The following YWHAB variants were observed in gnomAD, a reference collection of about 807,000 sequenced individuals.
YWHAB encodes the protein tyrosine 3-monooxygenase/tryptophan 5-monooxygenase activation protein beta, also known as 14-3-3 protein beta/alpha.
A neutral mutation model predicts 28.5 loss-of-function variants in YWHAB; 2 were observed. That is an observed-to-expected ratio of 0.07 (90% CI 0.03 to 0.22). The LOEUF (loss-of-function observed/expected upper bound fraction) is 0.22, where lower values mean the gene tolerates loss of function less well. Ranked by LOEUF, YWHAB falls within the 10% of genes least tolerant of loss-of-function variation. The pLI is 1.00. For synonymous variants in YWHAB, 103 were observed against 104.7 expected (o/e 0.98, Z 0.10); for missense variants, 148 against 297.1 (o/e 0.50, Z 3.69).
At chr20:44,889,117 C>G (rs1000663105) in intron 1 of YWHAB, among the ~76,000 whole-genome samples, 13 of 152,130 alleles carry the variant, frequency 8.5e-5, no homozygotes, top group Non-Finnish European at 1.9e-4. Context: ...TGACAATTCA[C>G]TAGTTAAGGG....
At chr20:44,893,177 A>G (rs2066573794) in intron 1 of YWHAB, among the ~76,000 whole-genome samples, 1 of 152,064 alleles carries the variant, frequency 6.6e-6, no homozygotes, top group Non-Finnish European at 1.5e-5. Flanking sequence ...ACTTCTCAGT[A>G]TTTTGACCCT....
intron 1 of YWHAB, 184 bp downstream of exon 1, chr20:44,886,070 G>A (rs537938523): frequency 6.6e-6 from 1 of 152,264 alleles, no homozygotes; most frequent in African/African-American, 2.4e-5. Flanking sequence ...CTGTTTCCGG[G>A]GCCGGGCCCT....
intron 3 of YWHAB, 33 bp from the exon 4 acceptor site, chr20:44,904,935 C>T (rs371129329): frequency 1.4e-5 from 21 of 1,554,586 alleles, no homozygotes; most frequent in African/African-American, 6.9e-5. Flanking sequence ...ATGAAAGAAC[C>T]GAGCCTTTAA....
At chr20:44,886,231 G>C (rs1194941160) in intron 1 of YWHAB, 1 of 152,434 alleles carries the variant, frequency 6.6e-6, no homozygotes, top group Non-Finnish European at 1.5e-5. Context: ...CCTGCGTCTT[G>C]GTCGGCAAGA....
At chr20:44,894,570 C>T (rs6130710) in intron 1 of YWHAB, among the ~76,000 whole-genome samples, 8 of 152,232 alleles carry the variant, frequency 5.3e-5, no homozygotes, top group Admixed American at 5.2e-4. Context: ...TTTGCTTTTC[C>T]TTCTCACAAA....
Position 44,906,491 on chromosome 20 carries a change from A to C in YWHAB, c.*53A>C. The stretch of plus-strand genomic sequence containing the variant: ...GTGTCACTCTGTACCCTCAACATAT[A>C]TCCCTTGTGCGATAAAAAAAAAAAA... On this transcript the variant is annotated 3_prime_UTR_variant, in exon 6 of 6. Coordinates refer to ENST00000353703, the MANE Select transcript of YWHAB (RefSeq NM_139323.4). 2.8e-6 allele frequency: 3 copies of C among 1,071,516 alleles called. No individual in the cohort carries two copies. Among genetic ancestry groups the C allele is most frequent in the Non-Finnish European group, 2.7e-6 (2 of 740,862 alleles). The allele number at this position is 1,071,516 out of a possible 1,614,324, so 66.4% of individuals were successfully genotyped here.
At chr20:44,891,429 G>A (rs2066561347) in intron 1 of YWHAB, among the ~76,000 whole-genome samples, 1 of 152,180 alleles carries the variant, frequency 6.6e-6, no homozygotes, top group East Asian at 1.9e-4. Flanking sequence ...TTATGGATGA[G>A]AAAACAAATT....
At chr20:44,900,179 C>T (rs2066618488) in intron 1 of YWHAB, among the ~76,000 whole-genome samples, 1 of 152,100 alleles carries the variant, frequency 6.6e-6, no homozygotes. Context: ...TCCTGAGTAG[C>T]TGGGACTACA....
At chr20:44,889,124 A>C (rs1223586136) in intron 1 of YWHAB, among the ~76,000 whole-genome samples, 1 of 152,200 alleles carries the variant, frequency 6.6e-6, no homozygotes, top group Non-Finnish European at 1.5e-5. Context: ...TCACTAGTTA[A>C]GGGGCAAGAA....
chr20:44,898,127 T>A (rs1020286717), intron 1 of YWHAB, among the ~76,000 whole-genome samples: 1 of 152,186 alleles, frequency 6.6e-6, no homozygotes, highest in African/African-American at 2.4e-5. Flanking sequence ...CTGTGGGGGT[T>A]CTGGGAAATA....
intron 2 of YWHAB, 96 bp downstream of exon 2, chr20:44,901,929 G>C: frequency 3.7e-6 from 5 of 1,362,958 alleles, no homozygotes; most frequent in Admixed American, 2.6e-5. Flanking sequence ...TGAGAGAGAG[G>C]TGTCTGAATA....
At position 44,906,526 on chromosome 20, in the gene YWHAB, AAGAG is replaced by A. The variant is rs879169305; in HGVS notation, c.*90_*93del. On this transcript the variant is annotated 3_prime_UTR_variant, in exon 6 of 6. Transcript: ENST00000353703. Reference sequence around the variant, plus strand: ...CGATAAAAAAAAAAAAAAAAAAAAAAAGAGAATCGTACGTCGACTTTCGATTTTT... The same window carrying A: ...CGATAAAAAAAAAAAAAAAAAAAAAAAATCGTACGTCGACTTTCGATTTTT... 1.5e-5 allele frequency: 9 copies of A among 613,714 alleles called. No homozygotes were observed. The highest frequency in any genetic ancestry group is 3.9e-5 in the Admixed American group (1 of 25,566). The allele number at this position is 613,714 out of a possible 1,614,324, so 38.0% of individuals were successfully genotyped here.
At position 44,907,040 on chromosome 20, in the gene YWHAB, C is replaced by G. The variant is rs1300991229; in HGVS notation, c.*602C>G. On this transcript the variant is annotated 3_prime_UTR_variant, in exon 6 of 6. Coordinates refer to ENST00000353703, the MANE Select transcript of YWHAB (RefSeq NM_139323.4). ...TCCACAGTGTCTTCCTCTGAGGAAA[C>G]TCGAATCCTGAAATGGAAATTCTTT... The G allele has an allele frequency of 6.6e-6, 1 of 152,222 alleles. No homozygotes were observed. Among genetic ancestry groups the G allele is most frequent in the African/African-American group, 2.4e-5 (1 of 41,446 alleles). The allele number at this position is 152,222 out of a possible 1,614,324, so 9.4% of individuals were successfully genotyped here. A position where few individuals can be genotyped will look rare whatever the true frequency, so the allele number is the denominator to read the frequency against.
chr20:44,891,635 C>T (rs1449536896), intron 1 of YWHAB, among the ~76,000 whole-genome samples: 1 of 138,656 alleles, frequency 7.2e-6, no homozygotes, highest in Non-Finnish European at 1.6e-5. Context: ...ATTGTCATAT[C>T]TACCATTAAG....
intron 5 of YWHAB, 120 bp from the exon 6 acceptor site, chr20:44,906,262 G>A (rs16989481): frequency 0.28 from 331,569 of 1,197,414 alleles, 49,314 homozygotes; most frequent in African/African-American, 0.49. Flanking sequence ...AATCATCCCT[G>A]TCTGCAGTGA....
intron 4 of YWHAB, 80 bp downstream of exon 4, chr20:44,905,211 T>C (rs2066649344): frequency 1.4e-6 from 2 of 1,448,792 alleles, no homozygotes; most frequent in Admixed American, 4.7e-5. Context: ...CTGAACATAC[T>C]CATTGTCTTG....
In YWHAB at chr20:44,901,524, G is replaced by T. The variant is rs189947329; in HGVS notation, c.-3-7G>T. On this transcript the variant is annotated splice_polypyrimidine_tract_variant and splice_region_variant and intron_variant, in intron 1 of 5. Coordinates refer to ENST00000353703, the MANE Select transcript of YWHAB (RefSeq NM_139323.4). The stretch of plus-strand genomic sequence containing the variant: ...TGCTCTTTCTTTTTCTCTTGCTCTT[G>T]TTCTAGGGAATGACAATGGATAAAA... 1.3e-3 allele frequency: 2,016 copies of T among 1,581,748 alleles called. 2 individuals carry two copies. Among genetic ancestry groups the T allele is most frequent in the Admixed American group, 2.5e-3 (144 of 58,384 alleles).
intron 1 of YWHAB, among the ~76,000 whole-genome samples, chr20:44,888,620 T>C (rs1198562407): frequency 4.6e-5 from 7 of 152,200 alleles, no homozygotes; most frequent in Admixed American, 3.9e-4. Flanking sequence ...CCTAATAAAG[T>C]AAACGTTTGA....
chr20:44,906,336 G>T, intron 5 of YWHAB, 46 bp from the exon 6 acceptor site: 1 of 1,598,398 alleles, frequency 6.3e-7, no homozygotes, highest in Non-Finnish European at 8.6e-7. Context: ...CTTACCTAGG[G>T]AACTTTTAGT....
Sources: gnomAD v4.1 joint callset for allele counts (sites outside exome capture counted in the v4.1 genomes callset) on GRCh38, gnomAD v4.1.1 for gene constraint, MANE v1.5 for transcripts, NCBI Gene and HGNC (gene_info 2026-07-23, HGNC 2026-07-21) for gene names.